Variants in PDSS2 observed in about 807,000 individuals in gnomAD.
PDSS2 encodes decaprenyl diphosphate synthase subunit 2, also known as all trans-polyprenyl-diphosphate synthase PDSS2.
Under a neutral mutation model 44.5 loss-of-function variants are expected in PDSS2, and 31 were observed. That is an observed-to-expected ratio of 0.70 (90% CI 0.52 to 0.94). PDSS2 has a LOEUF of 0.94. Among genes scored for constraint, PDSS2 ranks in the 40% least tolerant of loss-of-function variants. PDSS2 has a pLI of 0.00. For synonymous variants in PDSS2, 157 were observed against 180.3 expected, an observed-to-expected ratio of 0.87 and a Z score of 1.03; for missense variants, 452 against 482.2, an observed-to-expected ratio of 0.94 and a Z score of 0.59.
intron 2 of PDSS2, among the ~76,000 whole-genome samples, chr6:107,282,708 A>T (rs1776005515): frequency 6.6e-6 from 1 of 151,746 alleles, no homozygotes; most frequent in African/African-American, 2.4e-5. Flanking sequence ...TACTAAAAAA[A>T]AATACAAAAC....
At position 107,154,867 on chromosome 6, in the gene PDSS2, A is replaced by C; in HGVS notation, c.1042-90T>G. The stretch of plus-strand genomic sequence containing the variant: ...ATTGGGGAGGGGAGATGGAAAACAA[A>C]GAAAGGGAGAAATAGTATAGATTGA... On this transcript the variant is annotated intron_variant, in intron 7 of 7. Coordinates refer to ENST00000369037, the MANE Select transcript of PDSS2 (RefSeq NM_020381.4). The C allele has an allele frequency of 3.7e-6, 4 of 1,083,650 alleles. No individual in the cohort carries two copies. In the East Asian group the frequency reaches 9.6e-5, roughly 26 times the overall value. The allele number at this position is 1,083,650 out of a possible 1,614,324, so 67.1% of individuals were successfully genotyped here. A position where few individuals can be genotyped will look rare whatever the true frequency, so the allele number is the denominator to read the frequency against.
intron 2 of PDSS2, among the ~76,000 whole-genome samples, chr6:107,327,228 C>T (rs1777576260): frequency 1.3e-5 from 2 of 152,146 alleles, no homozygotes; most frequent in South Asian, 2.1e-4. Flanking sequence ...AATTCTGAAG[C>T]AGTGGGAACA....
chr6:107,459,037 C>T lies in PDSS2; in HGVS notation c.249G>A (p.Gln83=), dbSNP rs1448811259. 1.2e-6 allele frequency: 2 copies of T among 1,614,170 alleles called. No individual in the cohort carries two copies. The highest frequency in any genetic ancestry group is 2.2e-5 in the East Asian group (1 of 44,872). ...GCTGAGTGCCCACCAGCTTCCGCAC[C>T]TGCATAGCGATGTTGCTGAGCTCGT... The part of the protein sequence containing the change: ...LSDELSNIAM[Q]VRKLVGTQHP... The change falls in exon 1 of 8, where the codon CAG becomes CAA. Residue 83 remains glutamine, a synonymous_variant. Transcript: ENST00000369037. The surrounding 1 kb of genome is among the most constrained non-coding windows in gnomAD (Gnocchi z 4.3).
intron 1 of PDSS2, among the ~76,000 whole-genome samples, chr6:107,336,209 C>T (rs73511200): frequency 1.8e-4 from 26 of 146,966 alleles, no homozygotes; most frequent in African/African-American, 5.1e-4. Flanking sequence ...GAATTGAGAT[C>T]GAGCCACTGC....
chr6:107,447,971 C>G (rs1781742274), intron 1 of PDSS2, among the ~76,000 whole-genome samples: 3 of 152,234 alleles, frequency 2.0e-5, no homozygotes, highest in Admixed American at 1.3e-4. Flanking sequence ...ATGGAAGCTG[C>G]CAAGGCTTGG....
chr6:107,323,703 ACTT>A (rs1777452792), intron 2 of PDSS2, among the ~76,000 whole-genome samples: 1 of 152,238 alleles, frequency 6.6e-6, no homozygotes, highest in African/African-American at 2.4e-5. Flanking sequence ...GATTTGCACA[ACTT>A]CTATCACATG....
chr6:107,278,866 A>G (rs1005815736), intron 2 of PDSS2, among the ~76,000 whole-genome samples: 2 of 152,212 alleles, frequency 1.3e-5, no homozygotes, highest in African/African-American at 2.4e-5. Flanking sequence ...ATACTTGATC[A>G]AGAACACTGA....
chr6:107,355,621 C>G (rs1369090268), intron 1 of PDSS2, among the ~76,000 whole-genome samples: 4 of 152,180 alleles, frequency 2.6e-5, no homozygotes, highest in African/African-American at 7.2e-5. Context: ...AGTGATTCCA[C>G]AACCAGAAGC....
chr6:107,402,658 T>G (rs550337272), intron 1 of PDSS2, among the ~76,000 whole-genome samples: 9 of 150,466 alleles, frequency 6.0e-5, no homozygotes, highest in African/African-American at 2.2e-4. Flanking sequence ...ATGTCTTACA[T>G]GGCAGCAGAC....
At chr6:107,250,489 C>A (rs1245282666) in intron 3 of PDSS2, among the ~76,000 whole-genome samples, 1 of 152,028 alleles carries the variant, frequency 6.6e-6, no homozygotes, top group African/African-American at 2.4e-5. Context: ...TACACTATTT[C>A]CCTCTTTTTA....
chr6:107,179,583 T>A (rs1771905402), intron 7 of PDSS2, among the ~76,000 whole-genome samples: 1 of 152,136 alleles, frequency 6.6e-6, no homozygotes, highest in South Asian at 2.1e-4. Context: ...AGATCTTTCA[T>A]CAAGCCAGAA....
intron 1 of PDSS2, among the ~76,000 whole-genome samples, chr6:107,457,329 C>A (rs1782077032): frequency 6.6e-6 from 1 of 152,122 alleles, no homozygotes; most frequent in Non-Finnish European, 1.5e-5. Context: ...TTGGGAGAAA[C>A]AGGGTTAGGT....
chr6:107,294,554 T>G (rs1776449418), intron 2 of PDSS2, among the ~76,000 whole-genome samples: 1 of 152,140 alleles, frequency 6.6e-6, no homozygotes. Context: ...AGGCTTCTCC[T>G]GCATGTTTAA....
intron 2 of PDSS2, among the ~76,000 whole-genome samples, chr6:107,319,703 A>C (rs1235717795): frequency 6.6e-6 from 1 of 152,260 alleles, no homozygotes; most frequent in Non-Finnish European, 1.5e-5. Context: ...CAAAGTTTGC[A>C]TAAAGTACCT....
At chr6:107,390,128 C>T (rs1485564231) in intron 1 of PDSS2, among the ~76,000 whole-genome samples, 1 of 152,058 alleles carries the variant, frequency 6.6e-6, no homozygotes, top group African/African-American at 2.4e-5. Context: ...AATTAATTTA[C>T]ACAGATACCC....
intron 3 of PDSS2, among the ~76,000 whole-genome samples, chr6:107,268,388 A>G (rs1219266754): frequency 6.6e-6 from 1 of 152,194 alleles, no homozygotes; most frequent in Non-Finnish European, 1.5e-5. Flanking sequence ...ATTTTATTAT[A>G]TTGAAATAAA....
chr6:107,184,894 CTCA>C (rs1772109082), intron 7 of PDSS2, among the ~76,000 whole-genome samples: 1 of 150,970 alleles, frequency 6.6e-6, no homozygotes, highest in African/African-American at 2.4e-5. Context: ...TAGAATGATC[CTCA>C]TAAGAGGACA....
intron 7 of PDSS2, among the ~76,000 whole-genome samples, chr6:107,157,693 C>G (rs1554245925): frequency 6.6e-6 from 1 of 151,180 alleles, no homozygotes; most frequent in South Asian, 2.1e-4. Flanking sequence ...TTTTTTTAGA[C>G]AGAGTCTCCC....
At chr6:107,314,746 T>G (rs1777150624) in intron 2 of PDSS2, among the ~76,000 whole-genome samples, 1 of 152,204 alleles carries the variant, frequency 6.6e-6, no homozygotes, top group African/African-American at 2.4e-5. Context: ...CTGAAAAAAT[T>G]AAGTTGCATT....
Sources: allele counts gnomAD v4.1 joint callset (sites outside exome capture counted in the v4.1 genomes callset), GRCh38; gene constraint gnomAD v4.1.1; non-coding constraint Gnocchi (gnomAD v3.1); transcripts MANE v1.5; gene names NCBI Gene and HGNC (gene_info 2026-07-23, HGNC 2026-07-21).